PACSIN2: variants seen among roughly 807,000 people sequenced by gnomAD.
The protein encoded by PACSIN2 is protein kinase C and casein kinase substrate in neurons protein 2.
PACSIN2 carries 25 observed loss-of-function variants against 63.8 expected under a neutral mutation model. That is an observed-to-expected ratio of 0.39 (90% confidence interval 0.29 to 0.55). PACSIN2 has a LOEUF of 0.55. PACSIN2 is among the 20% of genes least tolerant of loss of function. PACSIN2 has a pLI of 0.62. For synonymous variants in PACSIN2, 255 were observed against 256.2 expected, an observed-to-expected ratio of 1.00 and a Z score of 0.05; for missense variants, 518 against 646.9, an observed-to-expected ratio of 0.80 and a Z score of 2.16.
intron 1 of PACSIN2, among the ~76,000 whole-genome samples, chr22:42,973,378 A>G: frequency 6.6e-6 from 1 of 152,152 alleles, no homozygotes; most frequent in East Asian, 1.9e-4. Context: ...ACACAGGTCA[A>G]AACTTCCCCA....
chr22:42,998,046 C>G (rs1007049626), intron 1 of PACSIN2, among the ~76,000 whole-genome samples: 1 of 152,188 alleles, frequency 6.6e-6, no homozygotes, highest in South Asian at 2.1e-4. Flanking sequence ...GAGCCAGCCC[C>G]AAACATATCC....
intron 2 of PACSIN2, among the ~76,000 whole-genome samples, chr22:42,894,999 C>G (rs1012322320): frequency 6.6e-6 from 1 of 152,240 alleles, no homozygotes; most frequent in African/African-American, 2.4e-5. Flanking sequence ...GATGACTCCA[C>G]TCCTGTGAGA....
intron 1 of PACSIN2, among the ~76,000 whole-genome samples, chr22:42,975,655 T>C: frequency 8.0e-6 from 1 of 124,866 alleles, no homozygotes; most frequent in East Asian, 2.0e-4. Flanking sequence ...TCAATATTCT[T>C]TAAAAAAAAA....
intron 1 of PACSIN2, among the ~76,000 whole-genome samples, chr22:42,957,912 C>G (rs1315058475): frequency 1.3e-5 from 2 of 152,054 alleles, no homozygotes; most frequent in African/African-American, 4.8e-5. Context: ...CTCCCCTGAG[C>G]TAGGGGAGAG....
At chr22:42,983,358 C>T (rs867824850) in intron 1 of PACSIN2, among the ~76,000 whole-genome samples, 6 of 146,514 alleles carry the variant, frequency 4.1e-5, no homozygotes, top group Non-Finnish European at 7.5e-5. Flanking sequence ...GGTGTGGTGG[C>T]ACACACTTCT....
chr22:42,997,916 A>G (rs1923522133), intron 1 of PACSIN2, among the ~76,000 whole-genome samples: 1 of 152,194 alleles, frequency 6.6e-6, no homozygotes, highest in Non-Finnish European at 1.5e-5. Flanking sequence ...GTGAAGAAAC[A>G]TTGCTGAGTT....
intron 1 of PACSIN2, among the ~76,000 whole-genome samples, chr22:42,972,268 G>A (rs1455867152): frequency 6.6e-6 from 1 of 152,126 alleles, no homozygotes; most frequent in Non-Finnish European, 1.5e-5. Context: ...GATTAAGGGC[G>A]GTGCACGATG....
intron 1 of PACSIN2, among the ~76,000 whole-genome samples, chr22:42,996,100 G>T (rs1923380385): frequency 6.6e-6 from 1 of 151,690 alleles, no homozygotes; most frequent in African/African-American, 2.4e-5. Flanking sequence ...GGCGCCTGTA[G>T]TCCCAGCTAC....
chr22:42,872,176 G>C (rs1413057900), intron 10 of PACSIN2, among the ~76,000 whole-genome samples: 1 of 152,254 alleles, frequency 6.6e-6, no homozygotes, highest in African/African-American at 2.4e-5. Context: ...GAGATACAGA[G>C]ATGAGAGGAA....
chr22:42,968,087 C>T (rs1207233023), intron 1 of PACSIN2, among the ~76,000 whole-genome samples: 2 of 152,140 alleles, frequency 1.3e-5, no homozygotes, highest in Non-Finnish European at 2.9e-5. Flanking sequence ...AAGTGGCTTG[C>T]CCACAGTTGC....
intron 10 of PACSIN2, among the ~76,000 whole-genome samples, chr22:42,875,206 G>A (rs1056295326): frequency 1.3e-5 from 2 of 150,902 alleles, no homozygotes; most frequent in South Asian, 2.1e-4. Context: ...GCTAGAGTAC[G>A]TGGTATGAAC....
At chr22:43,012,530 G>C (rs1924570464) in intron 1 of PACSIN2, among the ~76,000 whole-genome samples, 2 of 152,082 alleles carry the variant, frequency 1.3e-5, no homozygotes, top group Non-Finnish European at 2.9e-5. Context: ...ACCCAGGCTA[G>C]AGTGCAGTGG....
chr22:42,946,885 G>C (rs1447871399), intron 1 of PACSIN2: 1 of 152,280 alleles, frequency 6.6e-6, no homozygotes, highest in African/African-American at 2.4e-5. Flanking sequence ...GCTGGGCCGT[G>C]GGTCCGGGTA....
chr22:42,871,453 C>A lies in PACSIN2; in HGVS notation c.1365G>T (p.Lys455Asn). The A allele has an allele frequency of 6.2e-7, 1 of 1,613,968 alleles. No individual in the cohort carries two copies. The highest frequency in any genetic ancestry group is 1.3e-5 in the African/African-American group (1 of 75,062). Reference sequence around the variant, plus strand: ...AGCCCTGCTCATCCTCGTCCTCCATCTTGGTCAGCTCATCCCCTGCAAGAC... The same window carrying A: ...AGCCCTGCTCATCCTCGTCCTCCATATTGGTCAGCTCATCCCCTGCAAGAC... ...LSFKAGDELTKMEDEDEQGWC... is the reference protein window; with the variant it reads ...LSFKAGDELTNMEDEDEQGWC... Residue 455 changes from lysine (K) to asparagine (N), a missense_variant, in exon 11 of 11, where the codon AAG becomes AAT. By Grantham distance (94) the Lys-to-Asn change is moderately conservative (BLOSUM62 0). Coordinates refer to ENST00000263246, the MANE Select transcript of PACSIN2 (RefSeq NM_001184970.3). This position sits in a 1 kb window ranked among gnomAD's most constrained non-coding sequence, Gnocchi z 5.4.
At chr22:42,942,476 T>TA (rs1208387795) in intron 1 of PACSIN2, among the ~76,000 whole-genome samples, 1 of 152,210 alleles carries the variant, frequency 6.6e-6, no homozygotes, top group Non-Finnish European at 1.5e-5. Context: ...TTAAGAGTTT[T>TA]ACATCACTTA....
intron 1 of PACSIN2, among the ~76,000 whole-genome samples, chr22:42,939,479 C>A (rs764364689): frequency 3.3e-5 from 5 of 152,210 alleles, no homozygotes; most frequent in Non-Finnish European, 7.3e-5. Context: ...GGAAGTGACG[C>A]AGTTAGAGCA....
chr22:42,931,439 T>C (rs1932775236), intron 1 of PACSIN2, among the ~76,000 whole-genome samples: 1 of 152,048 alleles, frequency 6.6e-6, no homozygotes, highest in Non-Finnish European at 1.5e-5. Context: ...TGGATGGGAA[T>C]GGGGCAGGTG....
At chr22:42,918,076 A>C (rs1215881471) in intron 1 of PACSIN2, among the ~76,000 whole-genome samples, 1 of 152,168 alleles carries the variant, frequency 6.6e-6, no homozygotes, top group Admixed American at 6.5e-5. Context: ...AAGGATGTGA[A>C]AATGCTTTGT....
In PACSIN2 at chr22:42,987,530, C is replaced by CTT. The variant is rs1160565529; in HGVS notation, c.-78+27489_-78+27490dup. Among the ~76,000 whole-genome samples, 19 of 52,028 alleles carry CTT rather than the reference C, an allele frequency of 3.7e-4. 4 individuals carry two copies. In the South Asian group the frequency reaches 0.01, roughly 28 times the overall value. The allele number at this position is 52,028 out of a possible 152,430, so 34.1% of individuals were successfully genotyped here. A position where few individuals can be genotyped will look rare whatever the true frequency, so the allele number is the denominator to read the frequency against. ...TGTTCAGAAGACGGGCACATTCATTCTTTTTTTTTTTTTTTTTTGAGACAG... is the reference window on the plus strand; with the variant it reads ...TGTTCAGAAGACGGGCACATTCATTCTTTTTTTTTTTTTTTTTTTTGAGACAG... On this transcript the variant is annotated intron_variant, in intron 1 of 10. Transcript: ENST00000263246.
Sources: allele counts gnomAD v4.1 joint callset (sites outside exome capture counted in the v4.1 genomes callset), GRCh38; gene constraint gnomAD v4.1.1; non-coding constraint Gnocchi (gnomAD v3.1); transcripts MANE v1.5; gene names NCBI Gene and HGNC (gene_info 2026-07-23, HGNC 2026-07-21).